Variants in LVRN observed in about 807,000 individuals in gnomAD.
LVRN encodes the protein aminopeptidase Q.
Under a neutral mutation model 111.4 loss-of-function variants are expected in LVRN, and 99 were observed. The ratio of observed to expected loss-of-function variants is 0.89; its 90% CI spans 0.76 to 1.05. The LOEUF is 1.05. Ranked by LOEUF, LVRN falls within the 50% of genes least tolerant of loss-of-function variation. The pLI, the probability that LVRN is intolerant of heterozygous loss-of-function variation, is 0.00. For missense variants in LVRN, 1,414 were observed against 1,206.8 expected, an observed-to-expected ratio of 1.17 and a Z score of -2.54; for synonymous variants, 488 against 449.5, an observed-to-expected ratio of 1.09 and a Z score of -1.08.
chr5:116,022,600 C>G, intron 19 of LVRN, 134 bp downstream of exon 19: 1 of 636,254 alleles, frequency 1.6e-6, no homozygotes, highest in Non-Finnish European at 2.7e-6. Context: ...TGCTGTATCA[C>G]TGTGAAAGAA....
chr5:115,987,131 A>ATTACACAAACAATAGTGTGG (rs1435508433), intron 3 of LVRN, among the ~76,000 whole-genome samples: 1 of 152,188 alleles, frequency 6.6e-6, no homozygotes, highest in Non-Finnish European at 1.5e-5. Flanking sequence ...ATAAGCTCCA[A>ATTACACAAACAATAGTGTGG]TTACACAAAC....
At chr5:116,005,604 G>T (rs759940066) in intron 12 of LVRN, among the ~76,000 whole-genome samples, 2 of 152,210 alleles carry the variant, frequency 1.3e-5, no homozygotes, top group Non-Finnish European at 2.9e-5. Context: ...TTGTTTTGGG[G>T]AGGCCTTTTA....
chr5:115,963,927 T>G (rs1753146305), intron 1 of LVRN, among the ~76,000 whole-genome samples: 1 of 152,186 alleles, frequency 6.6e-6, no homozygotes, highest in Admixed American at 6.5e-5. Context: ...AGCCGGAAAT[T>G]TCTTCACCCC....
intron 6 of LVRN, chr5:115,995,262 A>T (rs1748080976): frequency 6.6e-6 from 1 of 152,166 alleles, no homozygotes; most frequent in South Asian, 2.1e-4. Flanking sequence ...GGCAGGAAAA[A>T]AAAGTTGACA....
rs537131289 is a variant in LVRN at position 115,982,395 on chromosome 5, C to T, written c.696-892C>T. 2.4e-3 allele frequency among the ~76,000 whole-genome samples: 360 copies of T among 152,238 alleles called. 1 individual carries two copies. Among genetic ancestry groups the T allele is most frequent in the African/African-American group, 8.3e-3 (344 of 41,556 alleles). On this transcript the variant is annotated intron_variant, in intron 1 of 19. Transcript: ENST00000357872. ...GGGCCTGATGCAAAAACAAATGTAT[C>T]AGAGACTTTAAGTCTCAGGATCTTG...
Position 115,992,140 on chromosome 5 carries a change from A to G in LVRN, c.1123A>G (p.Ser375Gly), listed in dbSNP as rs779516068. ...CCACTTAGATATAATTGCCTTGCCT[A>G]GTTTTGACAACCATGCAATGGAAAA... ...LPKTDIIALP[S>G]FDNHAMENWG... Residue 375 changes from serine to glycine, a missense_variant, in exon 5 of 20, where the codon AGT (serine) becomes GGT (glycine). By Grantham distance (56) the Ser-to-Gly change is moderately conservative. Transcript: ENST00000357872. The G allele has an allele frequency of 2.5e-6, 4 of 1,613,216 alleles. No homozygotes were observed. The highest frequency in any genetic ancestry group is 3.4e-6 in the Non-Finnish European group (4 of 1,179,610).
intron 1 of LVRN, among the ~76,000 whole-genome samples, chr5:115,966,745 A>G (rs1342667728): frequency 1.3e-5 from 2 of 152,210 alleles, no homozygotes; most frequent in Admixed American, 6.5e-5. Flanking sequence ...CAAAGTGGCT[A>G]TACCATTTTA....
At chr5:115,987,618 G>T (rs1371622243) in intron 3 of LVRN, among the ~76,000 whole-genome samples, 195 bp from the exon 4 acceptor site, 1 of 152,114 alleles carries the variant, frequency 6.6e-6, no homozygotes. Flanking sequence ...ACTTTCGGGG[G>T]AATCACTGTT....
At chr5:115,975,226 G>T in intron 1 of LVRN, 1 of 478,656 alleles carries the variant, frequency 2.1e-6, no homozygotes, top group South Asian at 1.6e-5. Flanking sequence ...CATTATCTTG[G>T]GTTCACACCC....
intron 12 of LVRN, among the ~76,000 whole-genome samples, chr5:116,003,624 C>T (rs1196439288): frequency 6.7e-6 from 1 of 148,782 alleles, no homozygotes; most frequent in African/African-American, 2.5e-5. Flanking sequence ...CTCTGTCGCC[C>T]AGGCTGGAGT....
At chr5:116,020,311 T>C (rs1263036188) in intron 18 of LVRN, among the ~76,000 whole-genome samples, 1 of 152,210 alleles carries the variant, frequency 6.6e-6, no homozygotes, top group African/African-American at 2.4e-5. Flanking sequence ...TATGAAAGCA[T>C]GTGAATAGTG....
chr5:116,017,146 A>G (rs1264919639), intron 18 of LVRN, among the ~76,000 whole-genome samples: 1 of 152,198 alleles, frequency 6.6e-6, no homozygotes, highest in African/African-American at 2.4e-5. Context: ...TTCTACCTGG[A>G]GGACAGAACA....
At position 115,987,966 on chromosome 5, in the gene LVRN, A is replaced by C. The variant is rs780297785; in HGVS notation, c.1105+27A>C. 36 of 1,599,640 alleles carry C rather than the reference A, an allele frequency of 2.3e-5. No individual in the cohort carries two copies. In the East Asian group the frequency reaches 8.1e-4, roughly 36 times the overall value. ...TGAGGTAATCTTTTCCTTTCAGTGC[A>C]TTTGGTTTCCTGTTATTTGGGCCCT... On this transcript the variant is annotated intron_variant, in intron 4 of 19. Transcript: ENST00000357872.
intron 6 of LVRN, among the ~76,000 whole-genome samples, chr5:115,998,822 G>A: frequency 6.6e-6 from 1 of 152,162 alleles, no homozygotes; most frequent in Non-Finnish European, 1.5e-5. Flanking sequence ...TAAATGATAG[G>A]CTTTCTCATT....
rs546594123 is a variant in LVRN at position 115,992,705 on chromosome 5, G to A, written c.1260+428G>A. ...GCTGTTGTTGGAGAGAGGTTAAATGGATACAGGTAATAGATTAGCAAGGTG... is the reference window on the plus strand; with the variant it reads ...GCTGTTGTTGGAGAGAGGTTAAATGAATACAGGTAATAGATTAGCAAGGTG... On this transcript the variant is annotated intron_variant, in intron 5 of 19. Coordinates refer to ENST00000357872, the MANE Select transcript of LVRN (RefSeq NM_173800.5). 2.5e-4 allele frequency among the ~76,000 whole-genome samples: 38 copies of A among 152,304 alleles called. 1 individual carries two copies. In the South Asian group the frequency reaches 7.5e-3, roughly 30 times the overall value.
At chr5:115,985,238 A>C (rs1439738277) in intron 3 of LVRN, among the ~76,000 whole-genome samples, 3 of 152,140 alleles carry the variant, frequency 2.0e-5, no homozygotes, top group African/African-American at 7.2e-5. Flanking sequence ...ATATAAACAA[A>C]GCGACCCCCA....
At chr5:115,976,649 T>C (rs1753455563) in intron 1 of LVRN, among the ~76,000 whole-genome samples, 1 of 152,222 alleles carries the variant, frequency 6.6e-6, no homozygotes, top group African/African-American at 2.4e-5. Flanking sequence ...TTTTTGGAAG[T>C]TCAGAATACT....
At chr5:115,984,238 T>C (rs1175087658) in intron 2 of LVRN, among the ~76,000 whole-genome samples, 1 of 152,122 alleles carries the variant, frequency 6.6e-6, no homozygotes, top group Non-Finnish European at 1.5e-5. Flanking sequence ...AGCTCTAGAT[T>C]AAGTGTTGTG....
intron 12 of LVRN, among the ~76,000 whole-genome samples, chr5:116,004,746 A>G (rs1338195288): frequency 2.6e-5 from 4 of 152,168 alleles, no homozygotes; most frequent in Non-Finnish European, 5.9e-5. Flanking sequence ...TTGTACCTCA[A>G]TTTCTTATTT....
Sources: allele counts gnomAD v4.1 joint callset (sites outside exome capture counted in the v4.1 genomes callset), GRCh38; gene constraint gnomAD v4.1.1; transcripts MANE v1.5; gene names NCBI Gene and HGNC (gene_info 2026-07-23, HGNC 2026-07-21).